Variants in LMBR1 observed in about 807,000 individuals in gnomAD.
LMBR1 encodes limb region 1 protein homolog.
LMBR1 carries 52 observed loss-of-function variants against 73.9 expected under a neutral mutation model. The ratio of observed to expected loss-of-function variants is 0.70; its 90% CI spans 0.56 to 0.89. The LOEUF (loss-of-function observed/expected upper bound fraction) is 0.89. Among genes scored for constraint, LMBR1 ranks in the 40% least tolerant of loss-of-function variants. The pLI, the probability that LMBR1 is intolerant of heterozygous loss-of-function variation, is 0.00. For synonymous variants in LMBR1, 215 were observed against 209.4 expected, an observed-to-expected ratio of 1.03 and a Z score of -0.23; for missense variants, 539 against 579.8, an observed-to-expected ratio of 0.93 and a Z score of 0.72.
chr7:156,852,698 G>A (rs2134094301), intron 1 of LMBR1, among the ~76,000 whole-genome samples: 1 of 152,290 alleles, frequency 6.6e-6, no homozygotes, highest in South Asian at 2.1e-4. Context: ...AATGTCTGGG[G>A]ACAGTTTAGT....
chr7:156,700,106 C>T (rs368620652), intron 15 of LMBR1, among the ~76,000 whole-genome samples: 98 of 152,164 alleles, frequency 6.4e-4, no homozygotes, highest in African/African-American at 1.8e-3. Context: ...ATGTTTATTG[C>T]GGCACTATTC....
At chr7:156,885,641 C>T (rs1198038761) in intron 1 of LMBR1, among the ~76,000 whole-genome samples, 1 of 152,048 alleles carries the variant, frequency 6.6e-6, no homozygotes, top group Non-Finnish European at 1.5e-5. Flanking sequence ...CTTTGGGAGG[C>T]CAAGGCAGGA....
At chr7:156,857,896 TAAATGA>T (rs1797185394) in intron 1 of LMBR1, among the ~76,000 whole-genome samples, 2 of 151,950 alleles carry the variant, frequency 1.3e-5, no homozygotes, top group African/African-American at 4.8e-5. Flanking sequence ...TATTTTGAAC[TAAATGA>T]AAATGAAAAT....
intron 5 of LMBR1, among the ~76,000 whole-genome samples, chr7:156,772,380 A>G (rs1006185755): frequency 1.3e-5 from 2 of 152,236 alleles, no homozygotes; most frequent in Non-Finnish European, 2.9e-5. Context: ...TTGAAGGAAC[A>G]TATGTGAAAA....
intron 4 of LMBR1, among the ~76,000 whole-genome samples, chr7:156,803,236 T>G (rs936103983): frequency 1.3e-5 from 2 of 151,956 alleles, no homozygotes; most frequent in African/African-American, 4.8e-5. Context: ...GGGAGAAAAT[T>G]TTTGCAACTT....
downstream of LMBR1, chr7:156,676,418 GGCT>G: frequency 6.2e-7 from 1 of 1,614,058 alleles, no homozygotes. Flanking sequence ...GTGTGCCGCA[GGCT>G]CTGCGCCGGG....
chr7:156,724,902 G>A (rs955879019), intron 14 of LMBR1, among the ~76,000 whole-genome samples: 11 of 151,848 alleles, frequency 7.2e-5, no homozygotes, highest in African/African-American at 1.5e-4. Context: ...GTCAGCCTAC[G>A]GGAATATTTT....
intron 15 of LMBR1, among the ~76,000 whole-genome samples, chr7:156,713,627 A>C (rs2132224226): frequency 6.6e-6 from 1 of 152,138 alleles, no homozygotes; most frequent in East Asian, 1.9e-4. Context: ...ATAGGGGAAC[A>C]CGAGCGGAGT....
chr7:156,836,987 T>C, intron 1 of LMBR1, 102 bp from the exon 2 acceptor site: 1 of 747,890 alleles, frequency 1.3e-6, no homozygotes, highest in East Asian at 2.8e-5. Context: ...GGATTTAAAC[T>C]ACTAAAAAGT....
intron 9 of LMBR1, among the ~76,000 whole-genome samples, chr7:156,738,607 T>A (rs1818335369): frequency 6.6e-6 from 1 of 152,188 alleles, no homozygotes; most frequent in South Asian, 2.1e-4. Context: ...GAGAACTTTG[T>A]CTTGCATTTT....
intron 5 of LMBR1, among the ~76,000 whole-genome samples, chr7:156,767,249 C>T (rs534620945): frequency 1.9e-4 from 29 of 152,216 alleles, no homozygotes; most frequent in Non-Finnish European, 3.2e-4. Flanking sequence ...CAGGAGCCCA[C>T]GTCACCATCC....
chr7:156,703,261 G>A (rs1810192069), intron 15 of LMBR1, among the ~76,000 whole-genome samples: 1 of 152,184 alleles, frequency 6.6e-6, no homozygotes, highest in Non-Finnish European at 1.5e-5. Context: ...AGGGGGACTT[G>A]GGCTGGGGTT....
intron 1 of LMBR1, among the ~76,000 whole-genome samples, chr7:156,880,627 C>A (rs1800941767): frequency 6.6e-6 from 1 of 152,090 alleles, no homozygotes; most frequent in African/African-American, 2.4e-5. Flanking sequence ...AATTTACAGA[C>A]TCAATGCAAT....
At chr7:156,854,442 A>C (rs1196495123) in intron 1 of LMBR1, among the ~76,000 whole-genome samples, 1 of 152,222 alleles carries the variant, frequency 6.6e-6, no homozygotes, top group Non-Finnish European at 1.5e-5. Flanking sequence ...TTAATTAAAA[A>C]ATAATAATAA....
intron 15 of LMBR1, among the ~76,000 whole-genome samples, chr7:156,719,690 C>G (rs1402423115): frequency 6.6e-6 from 1 of 152,060 alleles, no homozygotes; most frequent in Non-Finnish European, 1.5e-5. Flanking sequence ...ATCATGCTAC[C>G]TGACTTCAAA....
chr7:156,836,209 T>C (rs1448143737), intron 2 of LMBR1, among the ~76,000 whole-genome samples: 1 of 152,118 alleles, frequency 6.6e-6, no homozygotes, highest in Non-Finnish European at 1.5e-5. Flanking sequence ...AAGCAGATAA[T>C]CCTGTGATTT....
intron 4 of LMBR1, among the ~76,000 whole-genome samples, chr7:156,801,785 G>C (rs953322031): frequency 1.3e-5 from 2 of 152,092 alleles, no homozygotes; most frequent in African/African-American, 4.8e-5. Flanking sequence ...ACTCACCTCA[G>C]CCTCCCAAAG....
chr7:156,822,484 A>G (rs1834948230), intron 4 of LMBR1: 1 of 152,192 alleles, frequency 6.6e-6, no homozygotes, highest in Non-Finnish European at 1.5e-5. Flanking sequence ...CGCTAATATA[A>G]TATTTAGCTT....
chr7:156,848,565 A>C (rs1353016211), intron 1 of LMBR1, among the ~76,000 whole-genome samples: 2 of 152,198 alleles, frequency 1.3e-5, no homozygotes, highest in Non-Finnish European at 2.9e-5. Flanking sequence ...GAATGCTTAT[A>C]AACTGGCTAG....
Sources: allele counts gnomAD v4.1 joint callset (sites outside exome capture counted in the v4.1 genomes callset), GRCh38; gene constraint gnomAD v4.1.1; transcripts MANE v1.5; gene names NCBI Gene and HGNC (gene_info 2026-07-23, HGNC 2026-07-21).